Variants in LINGO2 observed in about 807,000 individuals in gnomAD.
LINGO2 encodes the protein leucine rich repeat and Ig domain containing 2.
LINGO2 carries 14 observed loss-of-function variants against 30.6 expected under a neutral mutation model. The ratio of observed to expected loss-of-function variants is 0.46; its 90% CI spans 0.30 to 0.72. The LOEUF is 0.72. Ranked by LOEUF, LINGO2 falls within the 30% of genes least tolerant of loss-of-function variation. LINGO2 has a pLI of 0.07. For synonymous variants in LINGO2, 317 were observed against 288.5 expected, an observed-to-expected ratio of 1.10 and a Z score of -1.00; for missense variants, 729 against 751.7, an observed-to-expected ratio of 0.97 and a Z score of 0.35.
chr9:28,375,713 G>A (rs1448308063), intron 2 of LINGO2, among the ~76,000 whole-genome samples: 3 of 152,160 alleles, frequency 2.0e-5, no homozygotes, highest in Non-Finnish European at 4.4e-5. Context: ...TAGGAACGAA[G>A]GGGAAAATAT....
At chr9:28,223,343 C>G (rs1219346829) in intron 4 of LINGO2, among the ~76,000 whole-genome samples, 1 of 152,164 alleles carries the variant, frequency 6.6e-6, no homozygotes, top group Admixed American at 6.5e-5. Context: ...TGTGGTCTCA[C>G]ATGGAAGAAG....
At chr9:28,644,817 A>T (rs1827763344) in intron 1 of LINGO2, among the ~76,000 whole-genome samples, 1 of 152,018 alleles carries the variant, frequency 6.6e-6, no homozygotes, top group African/African-American at 2.4e-5. Flanking sequence ...ATATATATCT[A>T]CTATGTATCT....
intron 1 of LINGO2, among the ~76,000 whole-genome samples, chr9:28,487,236 C>A (rs1826206796): frequency 6.6e-6 from 1 of 152,126 alleles, no homozygotes; most frequent in Non-Finnish European, 1.5e-5. Flanking sequence ...GTTTATAGAA[C>A]ACTGAAATCT....
the LINGO2 span, among the ~76,000 whole-genome samples, chr9:28,701,303 A>C: frequency 6.6e-6 from 1 of 151,942 alleles, no homozygotes; most frequent in Non-Finnish European, 1.5e-5. Flanking sequence ...TTGTGTTCAG[A>C]CCTATGCTCC....
chr9:28,742,355 G>A, the LINGO2 span, among the ~76,000 whole-genome samples: 2 of 150,224 alleles, frequency 1.3e-5, no homozygotes, highest in African/African-American at 4.9e-5. Flanking sequence ...ATTTTTGTAT[G>A]CAGATACTTC....
At chr9:28,978,245 T>C in the LINGO2 span, among the ~76,000 whole-genome samples, 1 of 152,160 alleles carries the variant, frequency 6.6e-6, no homozygotes, top group Non-Finnish European at 1.5e-5. Flanking sequence ...TTAAGTTGAA[T>C]GTGAAATCTG....
At chr9:28,363,367 G>T (rs1387499321) in intron 3 of LINGO2, among the ~76,000 whole-genome samples, 1 of 152,172 alleles carries the variant, frequency 6.6e-6, no homozygotes, top group Admixed American at 6.5e-5. Context: ...CCAGACCTGA[G>T]GCTAAGCAAT....
At chr9:28,723,294 T>G in the LINGO2 span, among the ~76,000 whole-genome samples, 2 of 152,128 alleles carry the variant, frequency 1.3e-5, no homozygotes, top group Non-Finnish European at 2.9e-5. Flanking sequence ...TTTATAGCAT[T>G]ATTTGGCACA....
At chr9:28,188,446 G>A (rs4878817) in intron 4 of LINGO2, among the ~76,000 whole-genome samples, 84,715 of 151,826 alleles carry the variant, frequency 0.56, 24,013 homozygotes, top group East Asian at 0.71. Flanking sequence ...TGAACCACCT[G>A]CACGGCAATT....
rs1020497923 is a variant in LINGO2, at chr9:28,213,390, C to T, written c.-87+81818G>A. 7.3e-5 allele frequency among the ~76,000 whole-genome samples: 11 copies of T among 151,414 alleles called. No homozygotes were observed. The East Asian group carries it at 2.1e-3, about 29-fold the overall frequency. ...AATAGTCCATGCAGCCACAAAAATA[C>T]AGAAAATGAAAAGCCAGAGTGATCA... On this transcript the variant is annotated intron_variant, in intron 4 of 5. Transcript: ENST00000379992.
chr9:29,027,125 AT>A, the LINGO2 span, among the ~76,000 whole-genome samples: 1 of 152,174 alleles, frequency 6.6e-6, no homozygotes, highest in East Asian at 1.9e-4. Context: ...GGGTAAAAAA[AT>A]ATAGTTATTA....
chr9:28,883,628 G>GTGTATATATATA, the LINGO2 span, among the ~76,000 whole-genome samples: 18 of 64,162 alleles, frequency 2.8e-4, no homozygotes, highest in South Asian at 6.4e-4. Context: ...ATGTGTGTGT[G>GTGTATATATATA]TATATATATA....
chr9:28,393,122 CAAGG>C (rs774805008), intron 2 of LINGO2, among the ~76,000 whole-genome samples: 10 of 152,160 alleles, frequency 6.6e-5, no homozygotes, highest in Non-Finnish European at 1.3e-4. Flanking sequence ...TATTTGAAAT[CAAGG>C]AAATCTACTT....
the LINGO2 span, among the ~76,000 whole-genome samples, chr9:29,141,430 TAAGA>T: frequency 6.8e-6 from 1 of 147,774 alleles, no homozygotes; most frequent in Admixed American, 6.7e-5. Flanking sequence ...AAAGAAAAAA[TAAGA>T]AAGGAATCAA....
At chr9:28,847,509 T>C in the LINGO2 span, among the ~76,000 whole-genome samples, 6,865 of 146,820 alleles carry the variant, frequency 0.047, 656 homozygotes, top group East Asian at 0.09. Flanking sequence ...CTTTTCTTCC[T>C]TCACATGCCT....
intron 4 of LINGO2, among the ~76,000 whole-genome samples, chr9:28,063,318 A>T (rs951529805): frequency 5.3e-5 from 8 of 152,172 alleles, no homozygotes; most frequent in African/African-American, 1.4e-4. Context: ...TAATTTTTTA[A>T]AACCAGTGGG....
chr9:28,571,911 T>A (rs1186212778), intron 1 of LINGO2, among the ~76,000 whole-genome samples: 2 of 152,048 alleles, frequency 1.3e-5, no homozygotes, highest in Admixed American at 1.3e-4. Context: ...TCCCAAACTT[T>A]GTTTTATTTT....
the LINGO2 span, among the ~76,000 whole-genome samples, chr9:29,135,320 G>A: frequency 6.6e-6 from 1 of 152,032 alleles, no homozygotes. Flanking sequence ...AGCACTTTTG[G>A]AGGCCAAAGC....
chr9:29,000,246 C>T, the LINGO2 span, among the ~76,000 whole-genome samples: 1 of 151,834 alleles, frequency 6.6e-6, no homozygotes, highest in African/African-American at 2.4e-5. Context: ...TAGTTCTCAA[C>T]TGACCCCTTA....
Sources: gnomAD v4.1 joint callset for allele counts (sites outside exome capture counted in the v4.1 genomes callset) on GRCh38, gnomAD v4.1.1 for gene constraint, MANE v1.5 for transcripts, NCBI Gene and HGNC (gene_info 2026-07-23, HGNC 2026-07-21) for gene names.